KCNMA1: variants seen among roughly 807,000 people sequenced by gnomAD.
The protein encoded by KCNMA1 is potassium calcium-activated channel subfamily M alpha 1.
Under a neutral mutation model 140.0 loss-of-function variants are expected in KCNMA1, and 29 were observed. The observed-to-expected ratio is 0.21, with a 90% CI of 0.15 to 0.28. The LOEUF is 0.28. Ranked by LOEUF, KCNMA1 falls within the 10% of genes least tolerant of loss-of-function variation. The pLI is 1.00. For synonymous variants in KCNMA1, 612 were observed against 611.9 expected (o/e 1.00, Z 0.00); for missense variants, 880 against 1,602.2 (o/e 0.55, Z 7.70).
chr10:77,272,306 T>C (rs1600773464), intron 2 of KCNMA1, among the ~76,000 whole-genome samples: 1 of 152,230 alleles, frequency 6.6e-6, no homozygotes, highest in East Asian at 1.9e-4. Context: ...AATGAATGAA[T>C]GAATACCCTC....
rs962133723 is a variant in KCNMA1, at chr10:77,196,570, G to T, written c.603-11654C>A. 3.3e-5 allele frequency among the ~76,000 whole-genome samples: 5 copies of T among 152,280 alleles called. No homozygotes were observed. In the East Asian group the frequency reaches 9.7e-4, roughly 29 times the overall value. ...AAGTCCATTTCAATATAATACATGGGATATGGTTAATAGAATAGGAGGAAA... is the reference window on the plus strand; with the variant it reads ...AAGTCCATTTCAATATAATACATGGTATATGGTTAATAGAATAGGAGGAAA... On this transcript the variant is annotated intron_variant, in intron 3 of 27. Coordinates refer to ENST00000286628, the MANE Select transcript of KCNMA1 (RefSeq NM_001161352.2).
intron 15 of KCNMA1, chr10:77,039,320 T>G: frequency 1.6e-6 from 1 of 621,032 alleles, no homozygotes; most frequent in Non-Finnish European, 2.9e-6. Flanking sequence ...CTCAGGCCTG[T>G]CAAGAAAAGT....
intron 1 of KCNMA1, among the ~76,000 whole-genome samples, chr10:77,515,213 G>T (rs550135390): frequency 9.1e-4 from 139 of 152,182 alleles, no homozygotes; most frequent in South Asian, 1.7e-3. Flanking sequence ...ACCGGGGGAT[G>T]GGGGGGAAAG....
intron 3 of KCNMA1, among the ~76,000 whole-genome samples, chr10:77,242,899 T>TACACACACACAC (rs199668848): frequency 2.2e-3 from 250 of 111,652 alleles, no homozygotes; most frequent in East Asian, 7.4e-3. Context: ...AATTGTTTCC[T>TACACACACACAC]ACACACACAC....
At chr10:77,636,741 A>C in intron 1 of KCNMA1, 1 of 1,489,388 alleles carries the variant, frequency 6.7e-7, no homozygotes, top group Non-Finnish European at 8.9e-7. Flanking sequence ...CCTTGTGCAA[A>C]ATTATTCTCT....
intron 9 of KCNMA1, among the ~76,000 whole-genome samples, chr10:77,096,159 A>G (rs1310406642): frequency 1.3e-5 from 2 of 152,204 alleles, no homozygotes; most frequent in African/African-American, 4.8e-5. Flanking sequence ...TCCAGAGCAC[A>G]ACACCTCCCT....
chr10:77,413,336 G>A (rs908244437), intron 1 of KCNMA1, among the ~76,000 whole-genome samples: 3 of 152,096 alleles, frequency 2.0e-5, no homozygotes, highest in African/African-American at 4.8e-5. Context: ...CACCAGCCCC[G>A]AATGCTGGGG....
At chr10:77,028,545 T>A (rs144068034) in intron 15 of KCNMA1, among the ~76,000 whole-genome samples, 1 of 152,108 alleles carries the variant, frequency 6.6e-6, no homozygotes, top group African/African-American at 2.4e-5. Context: ...TCCCAACCCA[T>A]CCTCACAGGC....
chr10:77,166,700 T>TA (rs2098646507), intron 5 of KCNMA1, among the ~76,000 whole-genome samples: 21 of 151,996 alleles, frequency 1.4e-4, no homozygotes, highest in African/African-American at 5.1e-4. Flanking sequence ...AGGAGGAGTT[T>TA]TAACTGAATA....
intron 3 of KCNMA1, among the ~76,000 whole-genome samples, chr10:77,192,837 A>G (rs893166151): frequency 1.3e-5 from 2 of 152,168 alleles, no homozygotes; most frequent in African/African-American, 4.8e-5. Flanking sequence ...CCAAATGCCC[A>G]ACAGGCTGTG....
At chr10:76,913,574 A>C (rs1485054443) in intron 24 of KCNMA1, 3 of 152,920 alleles carry the variant, frequency 2.0e-5, no homozygotes, top group Non-Finnish European at 4.4e-5. Flanking sequence ...AAGGCAAATA[A>C]AGTCAGAATA....
At chr10:77,462,015 G>GCA (rs374423064) in intron 1 of KCNMA1, among the ~76,000 whole-genome samples, 1 of 150,942 alleles carries the variant, frequency 6.6e-6, no homozygotes, top group Admixed American at 6.6e-5. Flanking sequence ...ACACACACAT[G>GCA]CACACACACA....
intron 8 of KCNMA1, 36 bp downstream of exon 8, chr10:77,110,137 A>G: frequency 1.3e-6 from 2 of 1,558,416 alleles, no homozygotes; most frequent in African/African-American, 1.4e-5. Context: ...ATTAACAGCC[A>G]TCAAAATCAA....
rs1421900727 is a variant in KCNMA1 at position 77,106,940 on chromosome 10, A to T, written c.1223+1541T>A. ...AGGGATGTGCTGCCTCCCGGAAAAGACGCCAACTGGCCTCCTCTGGCCCAC... is the reference window on the plus strand; with the variant it reads ...AGGGATGTGCTGCCTCCCGGAAAAGTCGCCAACTGGCCTCCTCTGGCCCAC... On this transcript the variant is annotated intron_variant, in intron 9 of 27. Coordinates refer to ENST00000286628, the MANE Select transcript of KCNMA1 (RefSeq NM_001161352.2). Among the ~76,000 whole-genome samples, 7 of 152,154 alleles carry T rather than the reference A, an allele frequency of 4.6e-5. No homozygotes were observed. The East Asian group carries it at 1.4e-3, about 29-fold the overall frequency.
intron 20 of KCNMA1, among the ~76,000 whole-genome samples, chr10:76,960,597 C>A (rs1247534042): frequency 7.9e-6 from 1 of 125,958 alleles, no homozygotes; most frequent in African/African-American, 3.0e-5. Context: ...CTGTATTGCA[C>A]TTTGCAGATA....
intron 1 of KCNMA1, among the ~76,000 whole-genome samples, chr10:77,433,109 T>C (rs1345578010): frequency 1.3e-5 from 2 of 152,138 alleles, no homozygotes; most frequent in Admixed American, 1.3e-4. Context: ...CAAAGGTGAT[T>C]TCATTTTTAA....
intron 3 of KCNMA1, among the ~76,000 whole-genome samples, chr10:77,201,863 T>A (rs901960634): frequency 6.6e-6 from 1 of 151,976 alleles, no homozygotes; most frequent in African/African-American, 2.4e-5. Context: ...GCAAAACATC[T>A]GTACTTGAGT....
In KCNMA1 at chr10:77,000,857, A is replaced by AATATATATATATATATATAT. The variant is rs56359933; in HGVS notation, c.2266+530_2266+549dup. On this transcript the variant is annotated intron_variant, in intron 19 of 27. Transcript: ENST00000286628. ...GGTTAGAGAGACATAGTAAAAAGAA[A>AATATATATATATATATATAT]ATATATATATATATATATATATATA... Among the ~76,000 whole-genome samples the AATATATATATATATATATAT allele has an allele frequency of 1.4e-3, 52 of 36,584 alleles. 1 individual carries two copies. The highest frequency in any genetic ancestry group is 2.0e-3 in the Non-Finnish European group (35 of 17,670). 24.0% of individuals were successfully genotyped at this position (36,584 alleles called of 152,430 possible). A position where few individuals can be genotyped will look rare whatever the true frequency, so the allele number is the denominator to read the frequency against.
intron 1 of KCNMA1, among the ~76,000 whole-genome samples, chr10:77,448,818 A>G (rs957638925): frequency 6.6e-6 from 1 of 152,180 alleles, no homozygotes; most frequent in Non-Finnish European, 1.5e-5. Context: ...GGCCGGGTGC[A>G]GTGCTCATGC....
Sources: gnomAD v4.1 joint callset for allele counts (sites outside exome capture counted in the v4.1 genomes callset) on GRCh38, gnomAD v4.1.1 for gene constraint, MANE v1.5 for transcripts, NCBI Gene and HGNC (gene_info 2026-07-23, HGNC 2026-07-21) for gene names.